PXN: variants seen among roughly 807,000 people sequenced by gnomAD.
PXN encodes testicular tissue protein Li 134.
Under a neutral mutation model 103.6 loss-of-function variants are expected in PXN, and 61 were observed. The observed-to-expected ratio is 0.59, with a 90% CI of 0.48 to 0.73. The LOEUF is 0.73. Ranked by LOEUF, PXN falls within the 30% of genes least tolerant of loss-of-function variation. The pLI, the probability that PXN is intolerant of heterozygous loss-of-function variation, is 0.00. For synonymous variants in PXN, 562 were observed against 607.8 expected (o/e 0.92, Z 1.11); for missense variants, 1,274 against 1,460.3 (o/e 0.87, Z 2.08).
intron 1 of PXN, among the ~76,000 whole-genome samples, chr12:120,241,536 T>C (rs1487312636): frequency 6.6e-6 from 1 of 152,230 alleles, no homozygotes; most frequent in Admixed American, 6.5e-5. Context: ...ACGGGCACTA[T>C]GCTGGGCATG....
Position 120,229,275 on chromosome 12 carries a change from A to T in PXN, c.14-4898T>A, listed in dbSNP as rs1054115906. The stretch of plus-strand genomic sequence containing the variant: ...ACCTTCCGCCCCCACCCCCGACTGC[A>T]GCACAGAAACAAGCCAGGCTGCTTC... On this transcript the variant is annotated intron_variant, in intron 1 of 14. Coordinates refer to ENST00000637617, the MANE Select transcript of PXN (RefSeq NM_001385981.1). The surrounding 1 kb of genome is among the most constrained non-coding windows in gnomAD (Gnocchi z 4.0). Among the ~76,000 whole-genome samples, 18 of 152,160 alleles carry T rather than the reference A, an allele frequency of 1.2e-4. No individual in the cohort carries two copies. The highest frequency in any genetic ancestry group is 1.2e-3 in the Admixed American group (18 of 15,280).
Position 120,224,803 on chromosome 12 carries a change from C to A in PXN, c.14-426G>T, listed in dbSNP as rs980645822. On this transcript the variant is annotated intron_variant, in intron 1 of 14. Transcript: ENST00000637617. The surrounding 1 kb of genome is among the most constrained non-coding windows in gnomAD (Gnocchi z 5.0). ...AGGGGCCCTGGCTATGCCAGGCCCTCACTTGATTTCTAAGAGCTTAGGCTT... is the reference window on the plus strand; with the variant it reads ...AGGGGCCCTGGCTATGCCAGGCCCTAACTTGATTTCTAAGAGCTTAGGCTT... 1 of 455,110 alleles carries A rather than the reference C, an allele frequency of 2.2e-6. No homozygotes were observed. The highest frequency in any genetic ancestry group is 6.8e-5 in the East Asian group (1 of 14,736). The allele number at this position is 455,110 out of a possible 1,614,324, so 28.2% of individuals were successfully genotyped here.
chr12:120,232,553 A>G (rs950849587), intron 1 of PXN, among the ~76,000 whole-genome samples: 2 of 152,198 alleles, frequency 1.3e-5, no homozygotes, highest in African/African-American at 4.8e-5. Context: ...TACAAAAAAG[A>G]CAGCCTCAAA....
intron 1 of PXN, among the ~76,000 whole-genome samples, chr12:120,247,149 A>G (rs916398172): frequency 2.0e-5 from 3 of 152,240 alleles, no homozygotes; most frequent in African/African-American, 7.2e-5. Context: ...TTACTTTAAA[A>G]TCTAAAAGGT....
intron 1 of PXN, among the ~76,000 whole-genome samples, chr12:120,248,259 G>A (rs914843669): frequency 2.0e-5 from 3 of 152,028 alleles, no homozygotes; most frequent in African/African-American, 7.2e-5. Flanking sequence ...GGGGCTGGAG[G>A]ATGGCCACAG....
Position 120,222,701 on chromosome 12 carries a change from A to T in PXN, c.543T>A (p.Tyr181Ter). The T allele has an allele frequency of 6.2e-7, 1 of 1,610,000 alleles. No homozygotes were observed. Among genetic ancestry groups the T allele is most frequent in the African/African-American group, 1.3e-5 (1 of 74,960 alleles). ...PPLPGALSPL[Y>*]GVPETNSPLG... The stretch of plus-strand genomic sequence containing the variant: ...AGGGGCTGTTAGTCTCTGGGACACC[A>T]TAGAGGGGGCTCAGGGCCCCAGGAA... The change falls in exon 5 of 15, where the codon TAT (tyrosine) becomes TAA (stop). Residue 181 changes from tyrosine (Y) to a stop codon, truncating the protein, a stop_gained. Coordinates refer to ENST00000637617, the MANE Select transcript of PXN (RefSeq NM_001385981.1). LOFTEE classifies it high-confidence loss of function. This position sits in a 1 kb window ranked among gnomAD's most constrained non-coding sequence, Gnocchi z 4.7.
chr12:120,237,565 C>T (rs1889329702), intron 1 of PXN, among the ~76,000 whole-genome samples: 1 of 152,090 alleles, frequency 6.6e-6, no homozygotes, highest in Admixed American at 6.5e-5. Context: ...CCTGGCAGCG[C>T]ACCATTTGAA....
chr12:120,216,110 G>C lies in PXN; in HGVS notation c.2301+163C>G, dbSNP rs947177072. 1 of 1,289,636 alleles carries C rather than the reference G, an allele frequency of 7.8e-7. No homozygotes were observed. Among genetic ancestry groups the C allele is most frequent in the African/African-American group, 1.5e-5 (1 of 65,388 alleles). The allele number at this position is 1,289,636 out of a possible 1,614,324, so 79.9% of individuals were successfully genotyped here. On this transcript the variant is annotated intron_variant, in intron 9 of 14. Coordinates refer to ENST00000637617, the MANE Select transcript of PXN (RefSeq NM_001385981.1). The surrounding 1 kb of genome is among the most constrained non-coding windows in gnomAD (Gnocchi z 5.1). Reference sequence around the variant, plus strand: ...GACCTTCTGAGTGGGGGAAGACCGGGGTCAAGGTTTACGGCAGGACTGTGG... The same window carrying C: ...GACCTTCTGAGTGGGGGAAGACCGGCGTCAAGGTTTACGGCAGGACTGTGG...
Position 120,214,101 on chromosome 12 carries a change from G to C in PXN, c.2830+35C>G. On this transcript the variant is annotated intron_variant, in intron 13 of 14. Transcript: ENST00000637617. This position sits in a 1 kb window ranked among gnomAD's most constrained non-coding sequence, Gnocchi z 5.0. Reference sequence around the variant, plus strand: ...ACCCCCACCTCCCCGGCCCTCCTAAGAGGCGGTGGGTCAGTCCGCCGGTCC... The same window carrying C: ...ACCCCCACCTCCCCGGCCCTCCTAACAGGCGGTGGGTCAGTCCGCCGGTCC... 1.3e-6 allele frequency: 2 copies of C among 1,556,308 alleles called. No individual in the cohort carries two copies. Among genetic ancestry groups the C allele is most frequent in the South Asian group, 2.4e-5 (2 of 84,404 alleles).
rs750675975 is a variant in PXN, at chr12:120,222,633, C to T, written c.611G>A (p.Arg204Gln). 6.2e-6 allele frequency: 10 copies of T among 1,609,520 alleles called. No individual in the cohort carries two copies. The highest frequency in any genetic ancestry group is 5.6e-5 in the South Asian group (5 of 89,944). Residue 204 changes from arginine (R) to glutamine (Q), a missense_variant, in exon 5 of 15, where the codon CGG becomes CAG. This residue lies in a region of PXN where 1,178 missense variants were observed against 1,309.0 expected (regional missense o/e 0.90). Transcript: ENST00000637617. The surrounding 1 kb of genome is among the most constrained non-coding windows in gnomAD (Gnocchi z 4.7). The stretch of plus-strand genomic sequence containing the variant: ...GTCCTCCAGGCCCCGGCCCCCATTC[C>T]GCTTAGGCTTCTCTTTCGTCAGGGG... Reference protein sequence around the residue: ...AGPLTKEKPKRNGGRGLEDVR... With the variant: ...AGPLTKEKPKQNGGRGLEDVR...
rs774759845 is a variant in PXN at position 120,219,549 on chromosome 12, G to A, written c.1374C>T (p.Phe458=). The A allele has an allele frequency of 1.9e-6, 3 of 1,582,550 alleles. No homozygotes were observed. In the Admixed American group the frequency reaches 5.3e-5, roughly 28 times the overall value. Reference sequence around the variant, plus strand: ...CTACAGCTGGCTCTGTTACTTCTTGGAAGCTTCGAGCAGCTCCAGAGGGGG... The same window carrying A: ...CTACAGCTGGCTCTGTTACTTCTTGAAAGCTTCGAGCAGCTCCAGAGGGGG... ...RMPPSGAARS[F]QEVTEPAVVA... The change falls in exon 7 of 15, where the codon TTC becomes TTT. Residue 458 remains phenylalanine, a synonymous_variant. Coordinates refer to ENST00000637617, the MANE Select transcript of PXN (RefSeq NM_001385981.1). The surrounding 1 kb of genome is among the most constrained non-coding windows in gnomAD (Gnocchi z 6.5).
intron 2 of PXN, 122 bp from the exon 3 acceptor site, chr12:120,223,955 C>CA: frequency 1.1e-6 from 1 of 878,520 alleles, no homozygotes; most frequent in South Asian, 1.7e-5. Flanking sequence ...GGAATTTCCA[C>CA]AGTTGGGCCA....
At position 120,214,264 on chromosome 12, in the gene PXN, C is replaced by A; in HGVS notation, c.2749-47G>T. 1.3e-6 allele frequency: 2 copies of A among 1,502,242 alleles called. No homozygotes were observed. Among genetic ancestry groups the A allele is most frequent in the South Asian group, 1.2e-5 (1 of 83,062 alleles). The allele number at this position is 1,502,242 out of a possible 1,614,324, so 93.1% of individuals were successfully genotyped here. A position where few individuals can be genotyped will look rare whatever the true frequency, so the allele number is the denominator to read the frequency against. On this transcript the variant is annotated intron_variant, in intron 12 of 14. Transcript: ENST00000637617. The surrounding 1 kb of genome is among the most constrained non-coding windows in gnomAD (Gnocchi z 5.0). ...TCAAGGCTGAGCTCTGGGCAGATCTCACAACTGAGACGCCCAGCAAGGCCG... is the reference window on the plus strand; with the variant it reads ...TCAAGGCTGAGCTCTGGGCAGATCTAACAACTGAGACGCCCAGCAAGGCCG...
intron 1 of PXN, among the ~76,000 whole-genome samples, chr12:120,260,495 C>T (rs1361685488): frequency 6.4e-5 from 5 of 78,522 alleles, no homozygotes; most frequent in South Asian, 4.9e-4. Flanking sequence ...AAGAGTGAAA[C>T]TCAGGAAAAA....
Position 120,216,973 on chromosome 12 carries a change from C to A in PXN, c.1860G>T (p.Arg620=). Residue 620 remains arginine (R), a synonymous_variant, in exon 8 of 15, where the codon CGG becomes CGT. Transcript: ENST00000637617. This position sits in a 1 kb window ranked among gnomAD's most constrained non-coding sequence, Gnocchi z 5.1. ...CCTCTGCCTCAGGCTGGATGCCCAG[C>A]CGCCCCTGCAGCTCCGCGATGAGCT... ...QEQLIAELQG[R]LGIQPEAEEP... is the part of the protein sequence containing the mutation. The A allele has an allele frequency of 6.5e-7, 1 of 1,543,856 alleles. No individual in the cohort carries two copies. The highest frequency in any genetic ancestry group is 2.4e-5 in the East Asian group (1 of 41,668).
chr12:120,224,246 C>CG lies in PXN; in HGVS notation c.144dup (p.Val49ArgfsTer16), dbSNP rs758654594. On this transcript the variant is annotated frameshift_variant, in exon 2 of 15. Coordinates refer to ENST00000637617, the MANE Select transcript of PXN (RefSeq NM_001385981.1). LOFTEE classifies it high-confidence loss of function. This position sits in a 1 kb window ranked among gnomAD's most constrained non-coding sequence, Gnocchi z 5.0. ...GCCTCGCTGGACGGGGGTGGGGGGA[C>CG]GGGGGGTGGCACGGCAATCTCCTGG... 3 of 1,264,222 alleles carry CG rather than the reference C, an allele frequency of 2.4e-6. No homozygotes were observed. The highest frequency in any genetic ancestry group is 3.4e-6 in the Non-Finnish European group (3 of 886,398). The allele number at this position is 1,264,222 out of a possible 1,614,324, so 78.3% of individuals were successfully genotyped here. A position where few individuals can be genotyped will look rare whatever the true frequency, so the allele number is the denominator to read the frequency against.
chr12:120,217,549 T>A lies in PXN; in HGVS notation c.1717-433A>T, dbSNP rs188248127. ...ACGGCTTTTTCTTTTTTCTTTTTTT[T>A]AATTTATAATAGAAAAAGTGTTTCC... On this transcript the variant is annotated intron_variant, in intron 7 of 14. Transcript: ENST00000637617. This position sits in a 1 kb window ranked among gnomAD's most constrained non-coding sequence, Gnocchi z 4.1. 9.6e-4 allele frequency among the ~76,000 whole-genome samples: 144 copies of A among 150,428 alleles called. No homozygotes were observed. The highest frequency in any genetic ancestry group is 1.4e-3 in the Non-Finnish European group (93 of 68,028).
In PXN at chr12:120,215,442, G is replaced by T. The variant is rs1402901541; in HGVS notation, c.2403+118C>A. ...CCTAAAGTGGGAGTGACGTCAGCAG[G>T]ACTCCTGGTGGTCGGAGGGGCCCAC... On this transcript the variant is annotated intron_variant, in intron 10 of 14. Coordinates refer to ENST00000637617, the MANE Select transcript of PXN (RefSeq NM_001385981.1). The surrounding 1 kb of genome is among the most constrained non-coding windows in gnomAD (Gnocchi z 4.9). 8 of 1,460,242 alleles carry T rather than the reference G, an allele frequency of 5.5e-6. No individual in the cohort carries two copies. In the Admixed American group the frequency reaches 2.1e-4, roughly 38 times the overall value. The allele number at this position is 1,460,242 out of a possible 1,614,324, so 90.5% of individuals were successfully genotyped here.
rs775639713 is a variant in PXN, at chr12:120,213,808, C to T, written c.2979+34G>A. 1.9e-6 allele frequency: 3 copies of T among 1,595,368 alleles called. No homozygotes were observed. The highest frequency in any genetic ancestry group is 4.5e-5 in the East Asian group (2 of 43,962). ...ACCCCTCTCTCCCCACTGCCTGCTC[C>T]TCGCCCCTCCAGATGTGGTCAGGGG... On this transcript the variant is annotated intron_variant, in intron 14 of 14. Transcript: ENST00000637617. This position sits in a 1 kb window ranked among gnomAD's most constrained non-coding sequence, Gnocchi z 4.2.
Sources: gnomAD v4.1 joint callset for allele counts (sites outside exome capture counted in the v4.1 genomes callset) on GRCh38, gnomAD v4.1.1 for gene constraint, gnomAD v4.1.1 regional missense constraint, Gnocchi (gnomAD v3.1) non-coding constraint, MANE v1.5 for transcripts, NCBI Gene and HGNC (gene_info 2026-07-23, HGNC 2026-07-21) for gene names.